The following MYO1E variants were observed in gnomAD, a reference collection of about 807,000 sequenced individuals.
MYO1E encodes unconventional myosin-Ie.
In MYO1E, 68 loss-of-function variants were observed where a neutral mutation model predicts 151.1. The observed-to-expected ratio is 0.45, with a 90% CI of 0.37 to 0.55. MYO1E has a LOEUF of 0.55. Among genes scored for constraint, MYO1E ranks in the 20% least tolerant of loss-of-function variants. The probability of loss-of-function intolerance (pLI) is 0.00; values close to 1 mark genes in which losing one functional copy is unlikely to be tolerated. For synonymous variants in MYO1E, 601 were observed against 501.7 expected (o/e 1.20, Z -2.64); for missense variants, 1,363 against 1,389.3 (o/e 0.98, Z 0.30).
rs151133931 is a variant in MYO1E, at chr15:59,198,068, T to C, written c.1699-2501A>G. On this transcript the variant is annotated intron_variant, in intron 16 of 27. Transcript: ENST00000288235. ...TTTTTGTAGAGGTGGGGTCTCACTA[T>C]ATTTCCCAGGCTCGTCTCCAATCCT... Among the ~76,000 whole-genome samples the C allele has an allele frequency of 3.9e-5, 6 of 152,300 alleles. No homozygotes were observed. In the East Asian group the frequency reaches 1.2e-3, roughly 29 times the overall value.
chr15:59,287,728 C>T (rs1286060399), intron 1 of MYO1E, among the ~76,000 whole-genome samples: 1 of 152,122 alleles, frequency 6.6e-6, no homozygotes, highest in East Asian at 1.9e-4. Flanking sequence ...ACATTGAGTA[C>T]ATTGGGGTGT....
At chr15:59,199,944 A>G (rs2140332572) in intron 16 of MYO1E, among the ~76,000 whole-genome samples, 1 of 152,310 alleles carries the variant, frequency 6.6e-6, no homozygotes, top group Middle Eastern at 3.4e-3. Context: ...AGAGGTCACA[A>G]CATCCACCAA....
At chr15:59,300,866 C>CTTTTTTT (rs58955743) in intron 1 of MYO1E, among the ~76,000 whole-genome samples, 6 of 127,120 alleles carry the variant, frequency 4.7e-5, no homozygotes, top group Non-Finnish European at 8.2e-5. Context: ...CCTTTTTTTT[C>CTTTTTTT]TTTTTTTTTT....
chr15:59,319,550 C>CTTTTTTTTTTTTTTTTTTTTTTTTTTTT (rs59491381), intron 1 of MYO1E, among the ~76,000 whole-genome samples: 11 of 63,722 alleles, frequency 1.7e-4, no homozygotes, highest in East Asian at 5.0e-4. Flanking sequence ...GTCAAACTAC[C>CTTTTTTTTTTTTTTTTTTTTTTTTTTTT]TTTTTTTTTT....
At chr15:59,324,529 G>A (rs2080650322) in intron 1 of MYO1E, among the ~76,000 whole-genome samples, 1 of 152,180 alleles carries the variant, frequency 6.6e-6, no homozygotes, top group South Asian at 2.1e-4. Context: ...GGTTCAAGGG[G>A]AGGAAAAGGT....
chr15:59,366,499 C>CA (rs1192996676), intron 1 of MYO1E, among the ~76,000 whole-genome samples: 4 of 151,650 alleles, frequency 2.6e-5, no homozygotes, highest in East Asian at 1.9e-4. Flanking sequence ...CCACACCCGG[C>CA]AAAAAAATAG....
At position 59,137,331 on chromosome 15, in the gene MYO1E, G is replaced by T. The variant is rs760137547; in HGVS notation, c.*49C>A. 6.6e-7 allele frequency: 1 copy of T among 1,522,534 alleles called. No homozygotes were observed. Among genetic ancestry groups the T allele is most frequent in the African/African-American group, 1.4e-5 (1 of 72,980 alleles). The allele number at this position is 1,522,534 out of a possible 1,614,324, so 94.3% of individuals were successfully genotyped here. The stretch of plus-strand genomic sequence containing the variant: ...GGAGCCCCTAAATATCCCCTCCCCT[G>T]GTCTGTGCCTGGAGCTCCTCTGCCC... On this transcript the variant is annotated 3_prime_UTR_variant, in exon 28 of 28. Coordinates refer to ENST00000288235, the MANE Select transcript of MYO1E (RefSeq NM_004998.4).
At chr15:59,336,212 A>C (rs143804186) in intron 1 of MYO1E, among the ~76,000 whole-genome samples, 16 of 152,162 alleles carry the variant, frequency 1.1e-4, no homozygotes, top group Non-Finnish European at 2.1e-4. Flanking sequence ...GTCTAAAAAA[A>C]ATACAAAAAT....
intron 1 of MYO1E, among the ~76,000 whole-genome samples, chr15:59,286,450 C>T (rs113321782): frequency 2.3e-3 from 356 of 152,248 alleles, no homozygotes; most frequent in Middle Eastern, 6.8e-3. Flanking sequence ...TAAAAGCCAA[C>T]GTGGAAACTC....
intron 1 of MYO1E, among the ~76,000 whole-genome samples, chr15:59,299,240 G>A (rs1366899275): frequency 6.6e-6 from 1 of 152,166 alleles, no homozygotes; most frequent in Non-Finnish European, 1.5e-5. Flanking sequence ...TTACATTTAG[G>A]ATTCATTTAT....
chr15:59,184,631 G>C (rs2079685039), intron 18 of MYO1E, among the ~76,000 whole-genome samples: 1 of 152,104 alleles, frequency 6.6e-6, no homozygotes, highest in Non-Finnish European at 1.5e-5. Context: ...AAAGTGCTAG[G>C]ATTACAGGTG....
intron 1 of MYO1E, among the ~76,000 whole-genome samples, chr15:59,275,172 T>C (rs192012119): frequency 1.2e-4 from 18 of 152,166 alleles, no homozygotes; most frequent in African/African-American, 4.3e-4. Flanking sequence ...GTCTCATACA[T>C]GAATGACTGA....
In MYO1E at chr15:59,137,168, T is replaced by C. The variant is rs1318851153; in HGVS notation, c.*212A>G. Reference sequence around the variant, plus strand: ...GTGGTTTTGTCCTCCTGGGTTCCTATGAAGAGGCTACCTTTTAGGATCACT... The same window carrying C: ...GTGGTTTTGTCCTCCTGGGTTCCTACGAAGAGGCTACCTTTTAGGATCACT... On this transcript the variant is annotated 3_prime_UTR_variant, in exon 28 of 28. Coordinates refer to ENST00000288235, the MANE Select transcript of MYO1E (RefSeq NM_004998.4). 2 of 589,974 alleles carry C rather than the reference T, an allele frequency of 3.4e-6. No homozygotes were observed. Among genetic ancestry groups the C allele is most frequent in the South Asian group, 2.0e-5 (1 of 50,554 alleles). 36.5% of individuals were successfully genotyped at this position (589,974 alleles called of 1,614,324 possible).
At chr15:59,304,008 G>GT (rs2080499809) in intron 1 of MYO1E, among the ~76,000 whole-genome samples, 2 of 144,282 alleles carry the variant, frequency 1.4e-5, no homozygotes, top group East Asian at 4.0e-4. Context: ...TTTAGAGGGA[G>GT]TTTCGCTCTT....
intron 1 of MYO1E, among the ~76,000 whole-genome samples, chr15:59,325,337 T>C (rs574614695): frequency 5.9e-5 from 9 of 152,108 alleles, no homozygotes; most frequent in South Asian, 2.1e-4. Context: ...GCCCGGCCAA[T>C]TGTCCTTTTT....
rs534950972 is a variant in MYO1E at position 59,133,845 on chromosome 15, G to C, written c.*3535C>G. ...GCAACTAGAGGCACAGGCTGACTTGGTGTGACCAGCTCCACTCAGGGAGGG... is the reference window on the plus strand; with the variant it reads ...GCAACTAGAGGCACAGGCTGACTTGCTGTGACCAGCTCCACTCAGGGAGGG... On this transcript the variant is annotated 3_prime_UTR_variant, in exon 28 of 28. Transcript: ENST00000288235. The C allele has an allele frequency of 6.6e-6, 1 of 152,422 alleles. No homozygotes were observed. The highest frequency in any genetic ancestry group is 1.5e-5 in the Non-Finnish European group (1 of 68,096). The allele number at this position is 152,422 out of a possible 1,614,324, so 9.4% of individuals were successfully genotyped here. A position where few individuals can be genotyped will look rare whatever the true frequency, so the allele number is the denominator to read the frequency against.
Position 59,236,371 on chromosome 15 carries a change from C to A in MYO1E, c.420+214G>T, listed in dbSNP as rs60654024. Among the ~76,000 whole-genome samples, 2,201 of 17,518 alleles carry A rather than the reference C, an allele frequency of 0.13. 174 individuals carry two copies. Among genetic ancestry groups the A allele is most frequent in the Non-Finnish European group, 0.2 (1,689 of 8,462 alleles). The allele number at this position is 17,518 out of a possible 152,430, so 11.5% of individuals were successfully genotyped here. On this transcript the variant is annotated intron_variant, in intron 5 of 27. Transcript: ENST00000288235. Reference sequence around the variant, plus strand: ...AAAAAAGAAAAAAAAAAAATATATACACACACACACACACACACACACACA... The same window carrying A: ...AAAAAAGAAAAAAAAAAAATATATAAACACACACACACACACACACACACA...
intron 1 of MYO1E, among the ~76,000 whole-genome samples, chr15:59,291,195 CTCTT>C (rs1264538366): frequency 7.2e-5 from 11 of 152,230 alleles, no homozygotes; most frequent in African/African-American, 2.7e-4. Flanking sequence ...GCACAAAAGT[CTCTT>C]TCTACCTGAG....
intron 4 of MYO1E, among the ~76,000 whole-genome samples, chr15:59,249,454 C>T (rs1323671013): frequency 2.0e-5 from 3 of 150,962 alleles, no homozygotes; most frequent in Non-Finnish European, 2.9e-5. Flanking sequence ...ATTTGTTACA[C>T]TCATTTCTAG....
Sources: gnomAD v4.1 joint callset for allele counts (sites outside exome capture counted in the v4.1 genomes callset) on GRCh38, gnomAD v4.1.1 for gene constraint, MANE v1.5 for transcripts, NCBI Gene and HGNC (gene_info 2026-07-23, HGNC 2026-07-21) for gene names.